IGF2R: variants seen among roughly 807,000 people sequenced by gnomAD.
IGF2R encodes cation-independent mannose-6-phosphate receptor.
In IGF2R, 91 loss-of-function variants were observed where a neutral mutation model predicts 270.6. The observed-to-expected ratio is 0.34, with a 90% CI of 0.28 to 0.40. The LOEUF (loss-of-function observed/expected upper bound fraction) is 0.40, where lower values mean the gene tolerates loss of function less well. Ranked by LOEUF, IGF2R falls within the 10% of genes least tolerant of loss-of-function variation. The pLI, the probability that IGF2R is intolerant of heterozygous loss-of-function variation, is 1.00. For missense variants in IGF2R, 2,805 were observed against 3,188.3 expected (o/e 0.88, Z 2.90); for synonymous variants, 1,316 against 1,258.9 (o/e 1.05, Z -0.96).
At chr6:160,017,492 C>G (rs1239846264) in intron 4 of IGF2R, among the ~76,000 whole-genome samples, 4 of 151,992 alleles carry the variant, frequency 2.6e-5, no homozygotes, top group African/African-American at 7.3e-5. Context: ...TCTAGACCTC[C>G]AAATATAGGA....
At chr6:160,033,672 C>G (rs1777751419) in intron 9 of IGF2R, among the ~76,000 whole-genome samples, 1 of 152,206 alleles carries the variant, frequency 6.6e-6, no homozygotes, top group African/African-American at 2.4e-5. Context: ...ACGGAACCTA[C>G]TGTAGGAAAA....
At chr6:160,086,844 G>A (rs1779107043) in intron 41 of IGF2R, among the ~76,000 whole-genome samples, 2 of 152,124 alleles carry the variant, frequency 1.3e-5, no homozygotes, top group Admixed American at 6.5e-5. Flanking sequence ...TGCCCATGTT[G>A]CCTCCACCGC....
At chr6:160,021,959 T>G (rs1313702739) in intron 4 of IGF2R, among the ~76,000 whole-genome samples, 3 of 151,346 alleles carry the variant, frequency 2.0e-5, no homozygotes, top group Admixed American at 6.6e-5. Context: ...CTATTCACAG[T>G]AGCAAAGATA....
intron 21 of IGF2R, 66 bp downstream of exon 21, chr6:160,058,190 C>T (rs867652099): frequency 5.8e-6 from 6 of 1,031,264 alleles, no homozygotes; most frequent in African/African-American, 3.1e-5. Context: ...ATTGAAGTCA[C>T]CTGCACGTGG....
intron 1 of IGF2R, among the ~76,000 whole-genome samples, chr6:159,984,213 C>G (rs1420351748): frequency 2.0e-5 from 3 of 152,202 alleles, no homozygotes; most frequent in Non-Finnish European, 4.4e-5. Context: ...CAATGACGGA[C>G]TGCATAAACT....
intron 36 of IGF2R, among the ~76,000 whole-genome samples, chr6:160,076,439 C>T (rs558135667): frequency 6.6e-6 from 1 of 152,272 alleles, no homozygotes; most frequent in South Asian, 2.1e-4. Flanking sequence ...GCACCTTTTA[C>T]TTATAATGAG....
At position 160,100,681 on chromosome 6, in the gene IGF2R, T is replaced by G. The variant is rs1032468721; in HGVS notation, c.6843-1838T>G. Among the ~76,000 whole-genome samples, 3 of 143,952 alleles carry G rather than the reference T, an allele frequency of 2.1e-5. No individual in the cohort carries two copies. In the South Asian group the frequency reaches 6.6e-4, roughly 32 times the overall value. 94.4% of individuals were successfully genotyped at this position (143,952 alleles called of 152,430 possible). ...AGCTTACATCAAACACTTAGAAAAC[T>G]TTAGCAAAAATTAACCACAAAGCAG... On this transcript the variant is annotated intron_variant, in intron 45 of 47. Transcript: ENST00000356956.
rs781711816 is a variant in IGF2R, at chr6:160,096,487, A to G, written c.6704A>G (p.Asp2235Gly). ...VFASSSKCGK[D>G]KTKSVSSTIF... is the part of the protein sequence containing the mutation. Reference sequence around the variant, plus strand: ...GCCTCTTCCTCTAAGTGCGGAAAGGATAAGACCAAGTCTGTTTCTTCCACC... The same window carrying G: ...GCCTCTTCCTCTAAGTGCGGAAAGGGTAAGACCAAGTCTGTTTCTTCCACC... Residue 2235 changes from aspartate (D) to glycine (G), a missense_variant, in exon 45 of 48, where the codon GAT (aspartate) becomes GGT (glycine). Asp to Gly is a moderately conservative substitution (Grantham distance 94). This residue lies in a region of IGF2R where 1,851 missense variants were observed against 2,207.2 expected (regional missense o/e 0.84). Transcript: ENST00000356956. 6.2e-7 allele frequency: 1 copy of G among 1,614,180 alleles called. No homozygotes were observed. The highest frequency in any genetic ancestry group is 1.1e-5 in the South Asian group (1 of 91,066).
rs779654748 is a variant in IGF2R at position 160,089,112 on chromosome 6, A to T, written c.6326A>T (p.Asp2109Val). ...CTGTGCTTCCCTCCTCCTAGGTTTG[A>T]TATCGACAGCTGCACTTACTACTTC... is the stretch of plus-strand genomic sequence containing the variant. ...TVGRPAFKRF[D>V]IDSCTYYFSW... The change falls in exon 43 of 48, where the codon GAT becomes GTT. Residue 2109 changes from aspartate (D) to valine (V), a missense_variant. By Grantham distance (152) the Asp-to-Val change is radical (BLOSUM62 -3). Transcript: ENST00000356956. The T allele has an allele frequency of 3.1e-6, 5 of 1,612,806 alleles. No individual in the cohort carries two copies. The highest frequency in any genetic ancestry group is 3.4e-6 in the Non-Finnish European group (4 of 1,179,316).
In IGF2R at chr6:160,103,822, T is replaced by G. The variant is rs1282685751; in HGVS notation, c.7065+7T>G. The G allele has an allele frequency of 3.7e-6, 6 of 1,602,444 alleles. No individual in the cohort carries two copies. On this transcript the variant is annotated splice_region_variant and intron_variant, in intron 47 of 47. Coordinates refer to ENST00000356956, the MANE Select transcript of IGF2R (RefSeq NM_000876.4). ...GTCCTACAAATACTCAAAGGTAATT[T>G]TCTGTGGCGAGTCTCTTGAAGGCCT...
At chr6:159,981,901 A>G (rs1350809446) in intron 1 of IGF2R, among the ~76,000 whole-genome samples, 1 of 152,158 alleles carries the variant, frequency 6.6e-6, no homozygotes, top group Non-Finnish European at 1.5e-5. Flanking sequence ...CAGACCCTGC[A>G]TACCTCTCAG....
Position 160,033,090 on chromosome 6 carries a change from C to G in IGF2R, c.1194C>G (p.Tyr398Ter). The G allele has an allele frequency of 1.2e-6, 2 of 1,612,684 alleles. No individual in the cohort carries two copies. Among genetic ancestry groups the G allele is most frequent in the Non-Finnish European group, 1.7e-6 (2 of 1,178,892 alleles). ...CTCAAGTCAAAGCAGCAGGAAGATACCACAATCAGACCCTCCGGTACGTCA... is the reference window on the plus strand; with the variant it reads ...CTCAAGTCAAAGCAGCAGGAAGATAGCACAATCAGACCCTCCGGTACGTCA... Reference protein sequence around the residue: ...DTSQVKAAGRYHNQTLRYSDG... With the variant: ...DTSQVKAAGR The change falls in exon 9 of 48, where the codon TAC becomes TAG. Residue 398 changes from tyrosine to a stop codon, truncating the protein, a stop_gained. Coordinates refer to ENST00000356956, the MANE Select transcript of IGF2R (RefSeq NM_000876.4). LOFTEE classifies it high-confidence loss of function.
chr6:160,050,428 T>C lies in IGF2R; in HGVS notation c.2515-45T>C. 1 of 1,562,892 alleles carries C rather than the reference T, an allele frequency of 6.4e-7. No homozygotes were observed. Among genetic ancestry groups the C allele is most frequent in the South Asian group, 1.2e-5 (1 of 86,484 alleles). Reference sequence around the variant, plus strand: ...TAACCACCACCAATAACGAATCGACTGTATCTTCAGGGGGAAAAGCCTAAC... The same window carrying C: ...TAACCACCACCAATAACGAATCGACCGTATCTTCAGGGGGAAAAGCCTAAC... On this transcript the variant is annotated intron_variant, in intron 18 of 47. Coordinates refer to ENST00000356956, the MANE Select transcript of IGF2R (RefSeq NM_000876.4). The surrounding 1 kb of genome is among the most constrained non-coding windows in gnomAD (Gnocchi z 4.0).
In IGF2R at chr6:159,986,426, GTGTGTTT is replaced by G. The variant is rs1300879078; in HGVS notation, c.150-4756_150-4750del. Among the ~76,000 whole-genome samples, 5 of 111,952 alleles carry G rather than the reference GTGTGTTT, an allele frequency of 4.5e-5. No homozygotes were observed. The East Asian group carries it at 2.1e-3, about 47-fold the overall frequency. The allele number at this position is 111,952 out of a possible 152,430, so 73.4% of individuals were successfully genotyped here. On this transcript the variant is annotated intron_variant, in intron 1 of 47. Coordinates refer to ENST00000356956, the MANE Select transcript of IGF2R (RefSeq NM_000876.4). ...TTTGTGTGTGTGTGTGTGTGTGTGT[GTGTGTTT>G]TTTTTTTTTTTTTAAGTAGATTCAG...
intron 35 of IGF2R, 91 bp downstream of exon 35, chr6:160,074,066 C>A: frequency 2.3e-6 from 2 of 863,156 alleles, no homozygotes; most frequent in Admixed American, 2.3e-5. Flanking sequence ...TGGGGAGTTG[C>A]TCAAGCATAA....
intron 2 of IGF2R, among the ~76,000 whole-genome samples, chr6:160,008,002 A>T (rs1184248308): frequency 6.6e-6 from 1 of 152,250 alleles, no homozygotes; most frequent in Non-Finnish European, 1.5e-5. Context: ...TCCCTAGGCC[A>T]CATTGGAAGA....
intron 18 of IGF2R, among the ~76,000 whole-genome samples, chr6:160,049,608 T>G (rs1406052577): frequency 6.6e-6 from 1 of 152,206 alleles, no homozygotes; most frequent in Non-Finnish European, 1.5e-5. Flanking sequence ...TGGTAAGGTC[T>G]CCCTAAGAGA....
At chr6:160,012,998 G>T (rs1784362141) in intron 4 of IGF2R, among the ~76,000 whole-genome samples, 1 of 151,856 alleles carries the variant, frequency 6.6e-6, no homozygotes. Context: ...GGAGGCTGCG[G>T]TGACAGTGGT....
At chr6:160,062,168 ATTTTT>A (rs34356477) in intron 25 of IGF2R, among the ~76,000 whole-genome samples, 1 of 106,620 alleles carries the variant, frequency 9.4e-6, no homozygotes, top group Non-Finnish European at 1.8e-5. Flanking sequence ...CATTTATTTA[ATTTTT>A]TTTTTTTTTT....
Sources: allele counts gnomAD v4.1 joint callset (sites outside exome capture counted in the v4.1 genomes callset), GRCh38; gene constraint gnomAD v4.1.1; regional missense constraint gnomAD v4.1.1; non-coding constraint Gnocchi (gnomAD v3.1); transcripts MANE v1.5; gene names NCBI Gene and HGNC (gene_info 2026-07-23, HGNC 2026-07-21).